The following SHC4 variants were observed in gnomAD, a reference collection of about 807,000 sequenced individuals.
SHC4 encodes SHC adaptor protein 4, also known as SHC-transforming protein 4.
SHC4 carries 41 observed loss-of-function variants against 69.4 expected under a neutral mutation model. The observed-to-expected ratio is 0.59, with a 90% CI of 0.46 to 0.77. The LOEUF (loss-of-function observed/expected upper bound fraction) is 0.77, where lower values mean the gene tolerates loss of function less well. Among genes scored for constraint, SHC4 ranks in the 30% least tolerant of loss-of-function variants. The pLI is 0.00. For synonymous variants in SHC4, 318 were observed against 299.3 expected, an observed-to-expected ratio of 1.06 and a Z score of -0.64; for missense variants, 777 against 783.8, an observed-to-expected ratio of 0.99 and a Z score of 0.10.
intron 11 of SHC4, among the ~76,000 whole-genome samples, chr15:48,833,057 G>A (rs1247300703): frequency 6.6e-6 from 1 of 151,894 alleles, no homozygotes; most frequent in Non-Finnish European, 1.5e-5. Flanking sequence ...TATTTATTTT[G>A]TTTGTTTGTT....
At chr15:48,915,997 C>T (rs1226612123) in intron 2 of SHC4, among the ~76,000 whole-genome samples, 2 of 152,160 alleles carry the variant, frequency 1.3e-5, no homozygotes, top group African/African-American at 4.8e-5. Context: ...ACAGAATCCA[C>T]ATACCATATG....
intron 8 of SHC4, among the ~76,000 whole-genome samples, chr15:48,853,826 A>G (rs1311951776): frequency 6.6e-6 from 1 of 152,046 alleles, no homozygotes; most frequent in African/African-American, 2.4e-5. Flanking sequence ...TTCACCATAT[A>G]CAAGATAGAT....
Position 48,962,464 on chromosome 15 carries a change from G to C in SHC4, c.552C>G (p.His184Gln), listed in dbSNP as rs367637710. 4 of 1,528,820 alleles carry C rather than the reference G, an allele frequency of 2.6e-6. No individual in the cohort carries two copies. The African/African-American group carries it at 5.5e-5, about 21-fold the overall frequency. The allele number at this position is 1,528,820 out of a possible 1,614,324, so 94.7% of individuals were successfully genotyped here. A position where few individuals can be genotyped will look rare whatever the true frequency, so the allele number is the denominator to read the frequency against. ...AGTAGTTCATGCCCATCCCCAACAG[G>C]TGCTGTAGAAAGTGCCTGTCCTGCC... is the stretch of plus-strand genomic sequence containing the variant. The part of the protein sequence containing the change: ...RSRQDRHFLQ[H>Q]LLGMGMNYCV... The change falls in exon 1 of 12, where the codon CAC becomes CAG. Residue 184 changes from histidine (H) to glutamine (Q), a missense_variant. Physicochemically the swap from His to Gln is conservative, Grantham distance 24. Transcript: ENST00000332408.
In SHC4 at chr15:48,963,705, GTGA is replaced by G. The variant is rs1345121228; in HGVS notation, c.-693_-691del. On this transcript the variant is annotated 5_prime_UTR_variant, in exon 1 of 12. Coordinates refer to ENST00000332408, the MANE Select transcript of SHC4 (RefSeq NM_203349.4). ...CTGCTCCGCATTGTTTCACTGACTT[GTGA>G]TGGGTCCGTGTTCCTCAGATCCCCT... Among the ~76,000 whole-genome samples the G allele has an allele frequency of 6.6e-6, 1 of 152,090 alleles. No homozygotes were observed. Among genetic ancestry groups the G allele is most frequent in the East Asian group, 1.9e-4 (1 of 5,176 alleles).
chr15:48,925,961 C>T (rs940142611), intron 1 of SHC4, among the ~76,000 whole-genome samples: 1 of 152,176 alleles, frequency 6.6e-6, no homozygotes, highest in Admixed American at 6.5e-5. Flanking sequence ...TCAAGGATGA[C>T]TCACTCAGAT....
chr15:48,915,690 T>G (rs1486647866), intron 2 of SHC4, among the ~76,000 whole-genome samples: 2 of 152,262 alleles, frequency 1.3e-5, no homozygotes, highest in Non-Finnish European at 2.9e-5. Context: ...AGCAGACCAT[T>G]GCAGGGGCCT....
At chr15:48,857,554 C>T (rs1899348811) in intron 7 of SHC4, 138 bp downstream of exon 7, 2 of 737,024 alleles carry the variant, frequency 2.7e-6, no homozygotes, top group Admixed American at 3.9e-5. Context: ...TGTCTATTTG[C>T]AAGAAAAAAA....
chr15:48,946,595 T>A, intron 1 of SHC4: 1 of 984,232 alleles, frequency 1.0e-6, no homozygotes, highest in Non-Finnish European at 1.2e-6. Flanking sequence ...TTGTCACACA[T>A]CCCAGGCCAG....
At chr15:48,850,439 T>C (rs1322429673) in intron 9 of SHC4, among the ~76,000 whole-genome samples, 3 of 152,200 alleles carry the variant, frequency 2.0e-5, no homozygotes, top group East Asian at 3.8e-4. Context: ...ACCTTGTAGA[T>C]GGCAAGTTCC....
rs1899208240 is a variant in SHC4 at position 48,851,201 on chromosome 15, T to G, written c.1290A>C (p.Gln430His). The change falls in exon 9 of 12, where the codon CAA becomes CAC. Residue 430 changes from glutamine (Q) to histidine (H), a missense_variant. Gln to His is a conservative substitution (Grantham distance 24). Coordinates refer to ENST00000332408, the MANE Select transcript of SHC4 (RefSeq NM_203349.4). Reference sequence around the variant, plus strand: ...CATTGTACCTACCTATTGCCCTGCTTTGTTCTAAACAGTTCTCATATACAC... The same window carrying G: ...CATTGTACCTACCTATTGCCCTGCTGTGTTCTAAACAGTTCTCATATACAC... ...CSSVYENCLEQSRAIGNVHPR... is the reference protein window; with the variant it reads ...CSSVYENCLEHSRAIGNVHPR... 6.2e-7 allele frequency: 1 copy of G among 1,613,952 alleles called. No individual in the cohort carries two copies. Among genetic ancestry groups the G allele is most frequent in the Non-Finnish European group, 8.5e-7 (1 of 1,179,966 alleles).
intron 1 of SHC4, among the ~76,000 whole-genome samples, chr15:48,936,380 C>T (rs559016033): frequency 6.6e-6 from 1 of 152,188 alleles, no homozygotes; most frequent in African/African-American, 2.4e-5. Flanking sequence ...CTCCAGGGTT[C>T]CTGCCCAAGT....
intron 2 of SHC4, among the ~76,000 whole-genome samples, chr15:48,896,202 T>C (rs1900217165): frequency 6.6e-6 from 1 of 151,044 alleles, no homozygotes; most frequent in African/African-American, 2.4e-5. Flanking sequence ...CTTTCTTTCT[T>C]TCTTCCTTTC....
intron 7 of SHC4, among the ~76,000 whole-genome samples, chr15:48,856,762 A>G (rs1373434028): frequency 6.7e-6 from 1 of 148,530 alleles, no homozygotes; most frequent in East Asian, 2.0e-4. Flanking sequence ...GAATCAGGGA[A>G]AGTTTCTTAC....
rs1901574239 is a variant in SHC4, at chr15:48,963,037, G to T, written c.-22C>A. ...GCATAGCCTTGGCAGTGCTGAAACA[G>T]GATACTGTTGCATAAATCGCCTCGT... On this transcript the variant is annotated 5_prime_UTR_variant, in exon 1 of 12. The change creates a new upstream start codon in the 5' untranslated region. Coordinates refer to ENST00000332408, the MANE Select transcript of SHC4 (RefSeq NM_203349.4). The T allele has an allele frequency of 6.3e-7, 1 of 1,576,164 alleles. No individual in the cohort carries two copies.
intron 1 of SHC4, among the ~76,000 whole-genome samples, chr15:48,935,951 C>T (rs1033696356): frequency 5.4e-4 from 82 of 151,988 alleles, no homozygotes; most frequent in African/African-American, 1.9e-3. Context: ...CATAAAGGTG[C>T]TAACACTTTC....
At chr15:48,878,291 G>A (rs1899862008) in intron 4 of SHC4, 7 of 1,613,774 alleles carry the variant, frequency 4.3e-6, no homozygotes, top group Non-Finnish European at 5.1e-6. Flanking sequence ...CGGGAGCCGG[G>A]AGCTATCCCT....
At chr15:48,914,693 T>G (rs1201261974) in intron 2 of SHC4, among the ~76,000 whole-genome samples, 3 of 152,238 alleles carry the variant, frequency 2.0e-5, no homozygotes, top group Non-Finnish European at 4.4e-5. Flanking sequence ...TATTGAATAC[T>G]TCAGTACTCC....
chr15:48,949,235 G>A (rs140771053), intron 1 of SHC4, among the ~76,000 whole-genome samples: 8 of 150,462 alleles, frequency 5.3e-5, no homozygotes, highest in African/African-American at 2.0e-4. Flanking sequence ...GCTGGGCATG[G>A]TGGTGGGCGC....
chr15:48,923,635 CT>C (rs59906872), intron 2 of SHC4, among the ~76,000 whole-genome samples: 9,571 of 92,334 alleles, frequency 0.1, 284 homozygotes, highest in African/African-American at 0.12. Flanking sequence ...ACTACTCAGT[CT>C]TTTTTTTTTT....
Sources: allele counts gnomAD v4.1 joint callset (sites outside exome capture counted in the v4.1 genomes callset), GRCh38; gene constraint gnomAD v4.1.1; transcripts MANE v1.5; gene names NCBI Gene and HGNC (gene_info 2026-07-23, HGNC 2026-07-21).